TRDN: variants seen among roughly 807,000 people sequenced by gnomAD.
TRDN encodes triadin.
TRDN carries 161 observed loss-of-function variants against 149.7 expected under a neutral mutation model. The observed-to-expected ratio is 1.08, with a 90% CI of 0.95 to 1.23. The LOEUF is 1.23. TRDN is among the 50% of genes most tolerant of loss of function. TRDN has a pLI of 0.00. For missense variants in TRDN, 896 were observed against 823.5 expected (o/e 1.09, Z -1.08); for synonymous variants, 294 against 250.5 (o/e 1.17, Z -1.64).
At chr6:123,535,420 T>C (rs1780479717) in intron 4 of TRDN, among the ~76,000 whole-genome samples, 1 of 152,174 alleles carries the variant, frequency 6.6e-6, no homozygotes, top group Non-Finnish European at 1.5e-5. Flanking sequence ...TTCTGGTGGC[T>C]GGTAGGGAGG....
In TRDN at chr6:123,502,412, A is replaced by T. The variant is rs535997733; in HGVS notation, c.793+1307T>A. The T allele has an allele frequency of 8.3e-5, 51 of 612,146 alleles. No individual in the cohort carries two copies. In the South Asian group the frequency reaches 2.9e-3, roughly 35 times the overall value. 37.9% of individuals were successfully genotyped at this position (612,146 alleles called of 1,614,324 possible). On this transcript the variant is annotated intron_variant, in intron 8 of 40. Transcript: ENST00000334268. The stretch of plus-strand genomic sequence containing the variant: ...GCTCCTAAGTTTTAATATGACTTAT[A>T]TCTTAAAATAATAAATTAAAATTAT...
At position 123,366,245 on chromosome 6, in the gene TRDN, T is replaced by C. The variant is rs545439790; in HGVS notation, c.1274-63A>G. 11 of 1,435,406 alleles carry C rather than the reference T, an allele frequency of 7.7e-6. No homozygotes were observed. In the South Asian group the frequency reaches 1.1e-4, roughly 14 times the overall value. The allele number at this position is 1,435,406 out of a possible 1,614,324, so 88.9% of individuals were successfully genotyped here. ...TTAGTGATGCCAAATTCACATCTTATACTATTGAGAATAAAATTAAAGATA... is the reference window on the plus strand; with the variant it reads ...TTAGTGATGCCAAATTCACATCTTACACTATTGAGAATAAAATTAAAGATA... On this transcript the variant is annotated intron_variant, in intron 19 of 40. Transcript: ENST00000334268.
chr6:123,563,742 T>G (rs1413823179), intron 2 of TRDN, among the ~76,000 whole-genome samples: 1 of 152,242 alleles, frequency 6.6e-6, no homozygotes, highest in Non-Finnish European at 1.5e-5. Flanking sequence ...GACTAATTAT[T>G]TAATACATAT....
At chr6:123,351,151 C>T (rs1003507336) in intron 21 of TRDN, 4 of 984,438 alleles carry the variant, frequency 4.1e-6, no homozygotes, top group Non-Finnish European at 4.8e-6. Flanking sequence ...AGCTATAAAA[C>T]TCAATGAAAT....
At chr6:123,597,765 A>C (rs1325996808) in intron 1 of TRDN, among the ~76,000 whole-genome samples, 1 of 152,122 alleles carries the variant, frequency 6.6e-6, no homozygotes, top group Non-Finnish European at 1.5e-5. Flanking sequence ...AGTATTTTTA[A>C]ATTAAAGTGT....
At chr6:123,342,014 C>G (rs1469314392) in intron 21 of TRDN, among the ~76,000 whole-genome samples, 1 of 151,936 alleles carries the variant, frequency 6.6e-6, no homozygotes, top group Non-Finnish European at 1.5e-5. Flanking sequence ...TTTCCTTTGA[C>G]TAAATTCTGG....
chr6:123,371,640 A>G (rs1781332133), intron 19 of TRDN, among the ~76,000 whole-genome samples: 1 of 152,030 alleles, frequency 6.6e-6, no homozygotes, highest in Non-Finnish European at 1.5e-5. Flanking sequence ...CCTAGATTTT[A>G]CTTCTGTCAG....
At chr6:123,455,974 T>C (rs1226268928) in intron 10 of TRDN, among the ~76,000 whole-genome samples, 1 of 152,192 alleles carries the variant, frequency 6.6e-6, no homozygotes, top group African/African-American at 2.4e-5. Context: ...TTTCTTTTCA[T>C]GACTAAATTA....
chr6:123,577,456 T>C (rs113574039), intron 1 of TRDN, among the ~76,000 whole-genome samples: 9,182 of 152,212 alleles, frequency 0.06, 361 homozygotes, highest in African/African-American at 0.094. Flanking sequence ...GCTCCATCCA[T>C]GTTCCCACAA....
At position 123,332,144 on chromosome 6, in the gene TRDN, T is replaced by A. The variant is rs141444571; in HGVS notation, c.1421-215A>T. Among the ~76,000 whole-genome samples, 3 of 152,098 alleles carry A rather than the reference T, an allele frequency of 2.0e-5. No individual in the cohort carries two copies. The East Asian group carries it at 5.8e-4, about 29-fold the overall frequency. On this transcript the variant is annotated intron_variant, in intron 22 of 40. Transcript: ENST00000334268. Reference sequence around the variant, plus strand: ...TGATCATTTTTCCTTGGCACAAACATAAGTTGTTCAACAAGTTATAATCTA... The same window carrying A: ...TGATCATTTTTCCTTGGCACAAACAAAAGTTGTTCAACAAGTTATAATCTA...
intron 10 of TRDN, among the ~76,000 whole-genome samples, chr6:123,445,928 C>T (rs1202499549): frequency 7.1e-6 from 1 of 140,494 alleles, no homozygotes; most frequent in Non-Finnish European, 1.5e-5. Flanking sequence ...TATAAAGACA[C>T]ATGCACACGT....
chr6:123,226,380 A>T (rs1562218922), intron 38 of TRDN, among the ~76,000 whole-genome samples: 1 of 151,906 alleles, frequency 6.6e-6, no homozygotes, highest in Admixed American at 6.6e-5. Context: ...AAATGAGGCA[A>T]AGTCCGTGTC....
intron 10 of TRDN, among the ~76,000 whole-genome samples, chr6:123,453,795 T>C (rs1726112341): frequency 6.6e-6 from 1 of 152,062 alleles, no homozygotes; most frequent in African/African-American, 2.4e-5. Context: ...TTGAAAAAGA[T>C]TGAACACGCA....
chr6:123,334,047 A>C (rs867819944), intron 22 of TRDN, among the ~76,000 whole-genome samples: 23 of 152,076 alleles, frequency 1.5e-4, no homozygotes, highest in African/African-American at 5.3e-4. Flanking sequence ...AGACAAAGGC[A>C]GTAACGAGGA....
chr6:123,329,348 G>A (rs1270173495), intron 23 of TRDN, among the ~76,000 whole-genome samples: 2 of 152,072 alleles, frequency 1.3e-5, no homozygotes, highest in Non-Finnish European at 2.9e-5. Context: ...TATGTCTGAT[G>A]CTCCTTTAAT....
intron 2 of TRDN, among the ~76,000 whole-genome samples, chr6:123,565,136 T>C (rs1229265783): frequency 6.6e-6 from 1 of 152,174 alleles, no homozygotes; most frequent in Non-Finnish European, 1.5e-5. Flanking sequence ...GTAAGAAATT[T>C]CAACCAAAGC....
chr6:123,221,414 C>A, intron 40 of TRDN, 73 bp downstream of exon 40: 1 of 1,161,880 alleles, frequency 8.6e-7, no homozygotes, highest in South Asian at 1.6e-5. Flanking sequence ...TTAAGAGAGT[C>A]TAACATTTTT....
At chr6:123,305,300 G>A (rs1353164954) in intron 24 of TRDN, among the ~76,000 whole-genome samples, 2 of 152,008 alleles carry the variant, frequency 1.3e-5, no homozygotes. Context: ...TAAATCTAGG[G>A]TTTCTATATG....
chr6:123,592,956 A>G (rs1443535201), intron 1 of TRDN, among the ~76,000 whole-genome samples: 1 of 152,174 alleles, frequency 6.6e-6, no homozygotes, highest in Non-Finnish European at 1.5e-5. Flanking sequence ...AACAACAGGG[A>G]TACACATTAT....
Sources: gnomAD v4.1 joint callset for allele counts (sites outside exome capture counted in the v4.1 genomes callset) on GRCh38, gnomAD v4.1.1 for gene constraint, MANE v1.5 for transcripts, NCBI Gene and HGNC (gene_info 2026-07-23, HGNC 2026-07-21) for gene names.